ATOX1: variants seen among roughly 807,000 people sequenced by gnomAD.
The protein encoded by ATOX1 is antioxidant 1 copper chaperone.
Under a neutral mutation model 7.3 loss-of-function variants are expected in ATOX1, and 4 were observed. The ratio of observed to expected loss-of-function variants is 0.55; its 90% confidence interval spans 0.27 to 1.25. The LOEUF is 1.25. Among genes scored for constraint, ATOX1 ranks in the 50% most tolerant of loss-of-function variants. ATOX1 has a pLI of 0.12. For synonymous variants in ATOX1, 25 were observed against 28.7 expected (o/e 0.87, Z 0.41); for missense variants, 68 against 81.6 (o/e 0.83, Z 0.64).
chr5:151,747,617 C>T (rs577669097), intron 2 of ATOX1, among the ~76,000 whole-genome samples: 7 of 150,346 alleles, frequency 4.7e-5, no homozygotes, highest in East Asian at 3.9e-4. Flanking sequence ...CACAGAGTCT[C>T]GCTGTGTCAC....
intron 1 of ATOX1, among the ~76,000 whole-genome samples, chr5:151,754,750 C>CTGA (rs758935109): frequency 9.2e-5 from 14 of 152,036 alleles, no homozygotes; most frequent in Non-Finnish European, 1.8e-4. Context: ...TTTTGGGAGG[C>CTGA]TGAGGCGGGA....
At chr5:151,748,010 T>C (rs1285782297) in intron 2 of ATOX1, among the ~76,000 whole-genome samples, 1 of 152,256 alleles carries the variant, frequency 6.6e-6, no homozygotes, top group African/African-American at 2.4e-5. Flanking sequence ...CACAATGTTA[T>C]AGTAAACATA....
At chr5:151,749,886 G>A (rs774160314) in intron 2 of ATOX1, among the ~76,000 whole-genome samples, 18 of 152,102 alleles carry the variant, frequency 1.2e-4, no homozygotes, top group Non-Finnish European at 2.1e-4. Context: ...GACTTGCTGC[G>A]GGACTACGGG....
At chr5:151,745,529 C>T (rs537246433) in intron 3 of ATOX1, 6 of 152,334 alleles carry the variant, frequency 3.9e-5, no homozygotes, top group Non-Finnish European at 5.9e-5. Flanking sequence ...GGTTCCAGAG[C>T]GAAGAGTGCT....
chr5:151,757,018 T>A (rs953308772), intron 1 of ATOX1, among the ~76,000 whole-genome samples: 3 of 152,192 alleles, frequency 2.0e-5, no homozygotes, highest in Admixed American at 1.3e-4. Flanking sequence ...TTTTCAGAGG[T>A]TTCTGGGATT....
intron 2 of ATOX1, among the ~76,000 whole-genome samples, chr5:151,751,060 C>T (rs535249771): frequency 3.9e-4 from 59 of 151,900 alleles, no homozygotes; most frequent in African/African-American, 1.4e-3. Context: ...GGTTCGAGAC[C>T]AGCCTGACCA....
In ATOX1 at chr5:151,758,504, G is replaced by C; in HGVS notation, c.6+42C>G. On this transcript the variant is annotated intron_variant, in intron 1 of 3. Transcript: ENST00000313115. ...CGGCTGTGCAGCCGAGAAGCAACCC[G>C]GGACTGCAAGTCTGCGTGGCGGGGA... 2.7e-6 allele frequency: 4 copies of C among 1,482,668 alleles called. No homozygotes were observed. In the Middle Eastern group the frequency reaches 7.2e-4, roughly 267 times the overall value. 91.8% of individuals were successfully genotyped at this position (1,482,668 alleles called of 1,614,324 possible).
chr5:151,750,497 G>C (rs1761933503), intron 2 of ATOX1, among the ~76,000 whole-genome samples: 1 of 109,720 alleles, frequency 9.1e-6, no homozygotes, highest in Admixed American at 1.2e-4. Flanking sequence ...CAAACAGAGT[G>C]AGACTTCATC....
At chr5:151,746,186 C>T in intron 3 of ATOX1, 93 bp downstream of exon 3, 2 of 1,201,672 alleles carry the variant, frequency 1.7e-6, no homozygotes, top group Non-Finnish European at 2.3e-6. Context: ...GAGGGCTCTC[C>T]CGCTCCACTC....
intron 1 of ATOX1, 136 bp downstream of exon 1, chr5:151,758,410 G>A (rs1403919085): frequency 7.7e-6 from 10 of 1,306,590 alleles, no homozygotes; most frequent in Non-Finnish European, 9.8e-6. Flanking sequence ...GGGGCTGGGT[G>A]GGGTAAGCTA....
intron 1 of ATOX1, among the ~76,000 whole-genome samples, chr5:151,757,691 G>C (rs1762034959): frequency 6.6e-6 from 1 of 152,162 alleles, no homozygotes; most frequent in Non-Finnish European, 1.5e-5. Flanking sequence ...TTCCCAAGCC[G>C]GTGTGACTGC....
rs78607623 is a variant in ATOX1, at chr5:151,757,968, G to C, written c.6+578C>G. ...TGAGCAACTGGTGACTGTGCGGGGGGGTTCCTGAACCTCTCTGGGGCTCAT... is the reference window on the plus strand; with the variant it reads ...TGAGCAACTGGTGACTGTGCGGGGGCGTTCCTGAACCTCTCTGGGGCTCAT... On this transcript the variant is annotated intron_variant, in intron 1 of 3. Transcript: ENST00000313115. 8.7e-3 allele frequency among the ~76,000 whole-genome samples: 1,332 copies of C among 152,328 alleles called. 15 individuals are homozygous for C. The highest frequency in any genetic ancestry group is 0.031 in the African/African-American group (1,279 of 41,568).
rs28917200 is a variant in ATOX1 at position 151,749,184 on chromosome 5, T to A, written c.82+2520A>T. On this transcript the variant is annotated intron_variant, in intron 2 of 3. Coordinates refer to ENST00000313115, the MANE Select transcript of ATOX1 (RefSeq NM_004045.4). ...GTATTTGAGGAGCTCCTGTACAGTT[T>A]CATTTTTAAAGCATCAACAGGCTGG... Among the ~76,000 whole-genome samples the A allele has an allele frequency of 8.0e-3, 1,220 of 152,194 alleles. 20 individuals carry two copies. The highest frequency in any genetic ancestry group is 0.028 in the African/African-American group (1,156 of 41,536).
chr5:151,744,435 CT>C (rs1761858429), intron 3 of ATOX1: 1 of 152,134 alleles, frequency 6.6e-6, no homozygotes, highest in Non-Finnish European at 1.5e-5. Context: ...GTTATTATGT[CT>C]TGTGAATTTC....
chr5:151,749,506 C>G (rs1761917202), intron 2 of ATOX1, among the ~76,000 whole-genome samples: 1 of 150,054 alleles, frequency 6.7e-6, no homozygotes, highest in African/African-American at 2.5e-5. Flanking sequence ...AAAAAATTAG[C>G]CAGGCGTGGT....
At chr5:151,756,317 AG>A (rs1762016138) in intron 1 of ATOX1, among the ~76,000 whole-genome samples, 1 of 152,082 alleles carries the variant, frequency 6.6e-6, no homozygotes, top group South Asian at 2.1e-4. Context: ...GATTCGGCTG[AG>A]TAGGGCCTGA....
chr5:151,744,733 G>A (rs778560453), intron 3 of ATOX1: 6 of 152,148 alleles, frequency 3.9e-5, no homozygotes, highest in Non-Finnish European at 5.9e-5. Context: ...TGGGAGCTAT[G>A]GAGGGTCCAA....
intron 2 of ATOX1, among the ~76,000 whole-genome samples, chr5:151,747,594 T>C (rs1761894545): frequency 6.6e-6 from 1 of 151,722 alleles, no homozygotes; most frequent in African/African-American, 2.4e-5. Context: ...CCATTCTTTT[T>C]TTTTTTTTTT....
intron 3 of ATOX1, chr5:151,745,503 T>G (rs1234537385): frequency 6.6e-6 from 1 of 152,174 alleles, no homozygotes; most frequent in Non-Finnish European, 1.5e-5. Context: ...GCTGGATCAA[T>G]GAGTAAGGTC....
Sources: gnomAD v4.1 joint callset for allele counts (sites outside exome capture counted in the v4.1 genomes callset) on GRCh38, gnomAD v4.1.1 for gene constraint, MANE v1.5 for transcripts, NCBI Gene and HGNC (gene_info 2026-07-23, HGNC 2026-07-21) for gene names.